Variants in GRID2 observed in about 807,000 individuals in gnomAD.
GRID2 encodes glutamate receptor ionotropic, delta-2.
GRID2 carries 33 observed loss-of-function variants against 114.8 expected under a neutral mutation model. That is an observed-to-expected ratio of 0.29 (90% confidence interval 0.22 to 0.38). The LOEUF is 0.38. GRID2 is among the 10% of genes least tolerant of loss of function. The pLI, the probability that GRID2 is intolerant of heterozygous loss-of-function variation, is 1.00. For missense variants in GRID2, 1,184 were observed against 1,257.7 expected, an observed-to-expected ratio of 0.94 and a Z score of 0.89; for synonymous variants, 505 against 449.9, an observed-to-expected ratio of 1.12 and a Z score of -1.55.
At chr4:92,594,593 G>A (rs1007221844) in intron 2 of GRID2, among the ~76,000 whole-genome samples, 1 of 151,746 alleles carries the variant, frequency 6.6e-6, no homozygotes, top group Non-Finnish European at 1.5e-5. Context: ...CAGATATAGG[G>A]TATCCATTGT....
At chr4:92,818,464 C>T (rs1741054021) in intron 2 of GRID2, among the ~76,000 whole-genome samples, 1 of 152,030 alleles carries the variant, frequency 6.6e-6, no homozygotes, top group South Asian at 2.1e-4. Flanking sequence ...TGAGAAAAGG[C>T]ATTACCAACG....
intron 8 of GRID2, among the ~76,000 whole-genome samples, chr4:93,333,273 T>C (rs573573737): frequency 3.0e-4 from 45 of 152,154 alleles, no homozygotes; most frequent in Non-Finnish European, 5.6e-4. Flanking sequence ...TTAGAAGGTA[T>C]AGAATGAAGC....
chr4:93,347,690 C>T (rs1760378091), intron 8 of GRID2, among the ~76,000 whole-genome samples: 1 of 152,098 alleles, frequency 6.6e-6, no homozygotes, highest in Admixed American at 6.6e-5. Context: ...GTTAACAACC[C>T]TGTAAGGTAA....
At chr4:93,408,430 C>T (rs1288964543) in intron 9 of GRID2, among the ~76,000 whole-genome samples, 11 of 151,562 alleles carry the variant, frequency 7.3e-5, no homozygotes, top group Non-Finnish European at 5.9e-5. Flanking sequence ...AAAGCAGGAT[C>T]TTATAGGCAG....
chr4:92,667,557 C>G (rs1732850776), intron 2 of GRID2, among the ~76,000 whole-genome samples: 1 of 151,590 alleles, frequency 6.6e-6, no homozygotes, highest in South Asian at 2.1e-4. Context: ...TCCATAGCAA[C>G]ATAGACTCTA....
At chr4:92,721,527 A>G (rs1735808334) in intron 2 of GRID2, among the ~76,000 whole-genome samples, 1 of 152,166 alleles carries the variant, frequency 6.6e-6, no homozygotes, top group South Asian at 2.1e-4. Flanking sequence ...AGCAAATACT[A>G]TCTAGAAAGT....
intron 4 of GRID2, among the ~76,000 whole-genome samples, chr4:93,154,098 T>C (rs1178783468): frequency 6.6e-6 from 1 of 152,058 alleles, no homozygotes; most frequent in Non-Finnish European, 1.5e-5. Context: ...TCCTTCATTG[T>C]TACCAACTGA....
intron 1 of GRID2, among the ~76,000 whole-genome samples, chr4:92,506,605 T>G (rs905255665): frequency 6.6e-6 from 1 of 151,712 alleles, no homozygotes; most frequent in Non-Finnish European, 1.5e-5. Flanking sequence ...AAAATTGTCT[T>G]TTTTTTATTA....
chr4:93,663,153 A>T lies in GRID2; in HGVS notation c.2360+36718A>T, dbSNP rs1434837366. ...ATCAGTGGTTCTCTCATGCTATCAT[A>T]ACCCAAATTTCTCTAGGCCTTGCCA... On this transcript the variant is annotated intron_variant, in intron 14 of 15. Coordinates refer to ENST00000282020, the MANE Select transcript of GRID2 (RefSeq NM_001510.4). Among the ~76,000 whole-genome samples the T allele has an allele frequency of 9.2e-5, 14 of 152,190 alleles. No individual in the cohort carries two copies. In the East Asian group the frequency reaches 2.7e-3, roughly 29 times the overall value.
At chr4:92,737,121 A>C (rs370583322) in intron 2 of GRID2, among the ~76,000 whole-genome samples, 1 of 152,140 alleles carries the variant, frequency 6.6e-6, no homozygotes, top group African/African-American at 2.4e-5. Flanking sequence ...TGATAAATGC[A>C]GCTTCCACGT....
At chr4:92,390,747 A>G (rs1730201608) in intron 1 of GRID2, among the ~76,000 whole-genome samples, 1 of 152,206 alleles carries the variant, frequency 6.6e-6, no homozygotes, top group African/African-American at 2.4e-5. Flanking sequence ...TACTCAACAT[A>G]AGAAAAACAC....
At chr4:92,364,767 T>C (rs1295820250) in intron 1 of GRID2, among the ~76,000 whole-genome samples, 2 of 152,052 alleles carry the variant, frequency 1.3e-5, no homozygotes, top group Non-Finnish European at 2.9e-5. Flanking sequence ...ATTTCTGCCA[T>C]AGGCTATGAT....
At chr4:93,136,232 T>TTGTGTGTGTGTGTG (rs3970984) in intron 4 of GRID2, among the ~76,000 whole-genome samples, 21 of 142,282 alleles carry the variant, frequency 1.5e-4, no homozygotes, top group African/African-American at 5.2e-4. Flanking sequence ...CCAACAGTTA[T>TTGTGTGTGTGTGTG]TGTGTGTGTG....
At chr4:93,176,714 A>G (rs1739376703) in intron 4 of GRID2, among the ~76,000 whole-genome samples, 1 of 152,184 alleles carries the variant, frequency 6.6e-6, no homozygotes, top group South Asian at 2.1e-4. Context: ...TGTTTTAAAT[A>G]TTACTGTGCT....
chr4:93,510,466 A>T (rs528445370), intron 12 of GRID2, among the ~76,000 whole-genome samples: 40 of 152,212 alleles, frequency 2.6e-4, no homozygotes, highest in Admixed American at 1.3e-3. Flanking sequence ...TAGATTTTTT[A>T]AAAAAATAGT....
intron 13 of GRID2, among the ~76,000 whole-genome samples, chr4:93,611,199 C>T (rs1740858579): frequency 1.0e-5 from 1 of 98,114 alleles, no homozygotes; most frequent in African/African-American, 4.6e-5. Flanking sequence ...TTTGATTCTT[C>T]TCTCTTTTTT....
At chr4:92,378,523 C>T (rs1340010743) in intron 1 of GRID2, among the ~76,000 whole-genome samples, 1 of 151,898 alleles carries the variant, frequency 6.6e-6, no homozygotes, top group African/African-American at 2.4e-5. Context: ...TTCCAAATAT[C>T]CTGTGTTTAT....
At chr4:93,069,244 T>C (rs1036085567) in intron 2 of GRID2, among the ~76,000 whole-genome samples, 1 of 146,616 alleles carries the variant, frequency 6.8e-6, no homozygotes, top group South Asian at 2.1e-4. Flanking sequence ...TAATATATAA[T>C]TATATATTAT....
intron 1 of GRID2, among the ~76,000 whole-genome samples, chr4:92,323,094 G>A (rs1267267275): frequency 6.6e-6 from 1 of 151,970 alleles, no homozygotes; most frequent in East Asian, 1.9e-4. Flanking sequence ...CACATGGAGT[G>A]TACTGTTTTT....
Sources: gnomAD v4.1 joint callset for allele counts (sites outside exome capture counted in the v4.1 genomes callset) on GRCh38, gnomAD v4.1.1 for gene constraint, MANE v1.5 for transcripts, NCBI Gene and HGNC (gene_info 2026-07-23, HGNC 2026-07-21) for gene names.